Variants in ZNF804B observed in about 807,000 individuals in gnomAD.
ZNF804B encodes the protein zinc finger 804B.
Under a neutral mutation model 101.4 loss-of-function variants are expected in ZNF804B, and 80 were observed. The ratio of observed to expected loss-of-function variants is 0.79; its 90% CI spans 0.66 to 0.95. The LOEUF (loss-of-function observed/expected upper bound fraction) is 0.95. ZNF804B is among the 40% of genes least tolerant of loss of function. The probability of loss-of-function intolerance (pLI) is 0.00; values close to 1 mark genes in which losing one functional copy is unlikely to be tolerated. For missense variants in ZNF804B, 1,673 were observed against 1,561.9 expected, an observed-to-expected ratio of 1.07 and a Z score of -1.20; for synonymous variants, 622 against 558.8, an observed-to-expected ratio of 1.11 and a Z score of -1.59.
chr7:88,819,229 T>G (rs557998884), intron 1 of ZNF804B, among the ~76,000 whole-genome samples: 6 of 152,254 alleles, frequency 3.9e-5, no homozygotes, highest in African/African-American at 4.8e-5. Flanking sequence ...GTTCAAGCAA[T>G]TCTCCTGCCT....
chr7:89,315,035 G>A (rs1161052950), intron 2 of ZNF804B, among the ~76,000 whole-genome samples: 2 of 152,142 alleles, frequency 1.3e-5, no homozygotes. Context: ...TTACAGTTCT[G>A]CAGACTGCAC....
At chr7:88,879,603 C>G (rs904845721) in intron 1 of ZNF804B, among the ~76,000 whole-genome samples, 1 of 152,098 alleles carries the variant, frequency 6.6e-6, no homozygotes, top group Non-Finnish European at 1.5e-5. Context: ...AAGCCCCATG[C>G]ATAGAAGAGT....
intron 1 of ZNF804B, among the ~76,000 whole-genome samples, chr7:89,163,268 C>T (rs980643279): frequency 2.0e-5 from 3 of 152,036 alleles, no homozygotes; most frequent in African/African-American, 7.2e-5. Flanking sequence ...TGTCCCTATG[C>T]CAACCACCAA....
chr7:88,771,736 A>G (rs1402827444), intron 1 of ZNF804B, among the ~76,000 whole-genome samples: 1 of 152,262 alleles, frequency 6.6e-6, no homozygotes, highest in Non-Finnish European at 1.5e-5. Context: ...GAAGGATTTC[A>G]TTATCTTTTC....
intron 1 of ZNF804B, among the ~76,000 whole-genome samples, chr7:89,065,396 C>G (rs1789443015): frequency 6.6e-6 from 1 of 152,154 alleles, no homozygotes; most frequent in Non-Finnish European, 1.5e-5. Context: ...ATCTCTCAGC[C>G]CATAGGGCTT....
chr7:89,171,956 G>T (rs1791243719), intron 1 of ZNF804B, among the ~76,000 whole-genome samples: 1 of 151,972 alleles, frequency 6.6e-6, no homozygotes, highest in Non-Finnish European at 1.5e-5. Context: ...AATCACAAAA[G>T]GATCTATTTG....
At chr7:88,929,683 A>G (rs779316891) in intron 1 of ZNF804B, among the ~76,000 whole-genome samples, 4 of 151,976 alleles carry the variant, frequency 2.6e-5, no homozygotes, top group African/African-American at 4.8e-5. Flanking sequence ...CTGTCTGACA[A>G]GAGACTGTTA....
intron 1 of ZNF804B, among the ~76,000 whole-genome samples, chr7:89,129,111 C>T (rs1445055082): frequency 6.6e-6 from 1 of 151,898 alleles, no homozygotes. Flanking sequence ...AGTTTGATAA[C>T]CTGTAAGTTG....
chr7:88,762,575 C>T (rs763686602), intron 1 of ZNF804B, among the ~76,000 whole-genome samples: 2 of 152,066 alleles, frequency 1.3e-5, no homozygotes, highest in Non-Finnish European at 2.9e-5. Flanking sequence ...TTCAGCAATA[C>T]ACATTCCCCA....
At chr7:88,871,760 T>C (rs58144629) in intron 1 of ZNF804B, among the ~76,000 whole-genome samples, 28,365 of 151,990 alleles carry the variant, frequency 0.19, 2,840 homozygotes, top group African/African-American at 0.28. Flanking sequence ...GGTCAGGAGT[T>C]CGAGACCAGC....
chr7:88,948,534 A>C (rs1793171585), intron 1 of ZNF804B, among the ~76,000 whole-genome samples: 1 of 151,876 alleles, frequency 6.6e-6, no homozygotes, highest in Non-Finnish European at 1.5e-5. Flanking sequence ...CCAAACTCTG[A>C]GAATAGCCTC....
At chr7:89,127,463 A>T (rs1034302894) in intron 1 of ZNF804B, among the ~76,000 whole-genome samples, 1 of 151,880 alleles carries the variant, frequency 6.6e-6, no homozygotes, top group Non-Finnish European at 1.5e-5. Context: ...TGCCTCAATG[A>T]TCAGAATGTT....
At chr7:89,101,189 A>G (rs1790049907) in intron 1 of ZNF804B, among the ~76,000 whole-genome samples, 1 of 151,946 alleles carries the variant, frequency 6.6e-6, no homozygotes, top group Non-Finnish European at 1.5e-5. Context: ...CTATGGCAAA[A>G]CTCCATAATC....
At position 89,326,658 on chromosome 7, in the gene ZNF804B, T is replaced by G. The variant is rs144901163; in HGVS notation, c.250-686T>G. On this transcript the variant is annotated intron_variant, in intron 2 of 3. Transcript: ENST00000333190. ...TCATTAGCTGTGCTTAGTGGCAGAT[T>G]CTTAAGAAGAGGTCTTACTTGCATG... Among the ~76,000 whole-genome samples the G allele has an allele frequency of 2.3e-3, 356 of 152,164 alleles. 2 individuals carry two copies. The highest frequency in any genetic ancestry group is 8.3e-3 in the African/African-American group (345 of 41,540).
chr7:88,761,417 T>A (rs1478314253), intron 1 of ZNF804B, among the ~76,000 whole-genome samples: 1 of 152,178 alleles, frequency 6.6e-6, no homozygotes, highest in Non-Finnish European at 1.5e-5. Flanking sequence ...AGTTCTAGTT[T>A]AATAAAGCCC....
chr7:88,810,134 T>C (rs2373738), intron 1 of ZNF804B, among the ~76,000 whole-genome samples: 2,284 of 152,250 alleles, frequency 0.015, 31 homozygotes, highest in Non-Finnish European at 0.023. Context: ...CAGATGTGTT[T>C]AGTTTGAAAT....
chr7:89,243,504 A>G (rs1038370517), intron 2 of ZNF804B, among the ~76,000 whole-genome samples: 2 of 151,866 alleles, frequency 1.3e-5, no homozygotes, highest in Non-Finnish European at 3.0e-5. Flanking sequence ...TGCATGGGAT[A>G]TACTTATACT....
intron 2 of ZNF804B, among the ~76,000 whole-genome samples, chr7:89,286,894 C>T (rs2115886541): frequency 6.6e-6 from 1 of 152,140 alleles, no homozygotes; most frequent in East Asian, 1.9e-4. Flanking sequence ...CATAAATTTA[C>T]ACTAGGTGTT....
intron 1 of ZNF804B, among the ~76,000 whole-genome samples, chr7:88,977,455 C>T (rs1356816910): frequency 6.6e-6 from 1 of 151,452 alleles, no homozygotes; most frequent in Non-Finnish European, 1.5e-5. Flanking sequence ...TTTTGAATTT[C>T]TTCATGGTTC....
Sources: gnomAD v4.1 joint callset for allele counts (sites outside exome capture counted in the v4.1 genomes callset) on GRCh38, gnomAD v4.1.1 for gene constraint, MANE v1.5 for transcripts, NCBI Gene and HGNC (gene_info 2026-07-23, HGNC 2026-07-21) for gene names.